The following RCL1 variants were observed in gnomAD, a reference collection of about 807,000 sequenced individuals.
RCL1 encodes the protein RNA terminal phosphate cyclase like 1.
A neutral mutation model predicts 42.4 loss-of-function variants in RCL1; 24 were observed. The observed-to-expected ratio is 0.57, with a 90% CI of 0.41 to 0.80. RCL1 has a LOEUF of 0.80. Among genes scored for constraint, RCL1 ranks in the 30% least tolerant of loss-of-function variants. The pLI is 0.00. For missense variants in RCL1, 578 were observed against 467.9 expected (o/e 1.24, Z -2.17); for synonymous variants, 228 against 177.3 (o/e 1.29, Z -2.27).
chr9:4,812,958 G>C (rs573649292), intron 1 of RCL1, among the ~76,000 whole-genome samples: 16 of 152,170 alleles, frequency 1.1e-4, no homozygotes, highest in African/African-American at 3.9e-4. Flanking sequence ...TCAGTTCTAG[G>C]AGTTCATGGC....
chr9:4,795,139 G>A (rs895064011), intron 1 of RCL1, among the ~76,000 whole-genome samples: 1 of 152,020 alleles, frequency 6.6e-6, no homozygotes, highest in East Asian at 1.9e-4. Flanking sequence ...GTGCCGTGGT[G>A]CGATCTCGGC....
chr9:4,848,452 A>C (rs1587730315), intron 7 of RCL1, among the ~76,000 whole-genome samples: 1 of 152,212 alleles, frequency 6.6e-6, no homozygotes, highest in Non-Finnish European at 1.5e-5. Flanking sequence ...CTTAAAAAGG[A>C]GGCAGGGGCA....
At chr9:4,812,334 C>CT (rs1816209457) in intron 1 of RCL1, among the ~76,000 whole-genome samples, 1 of 102,352 alleles carries the variant, frequency 9.8e-6, no homozygotes, top group South Asian at 4.0e-4. Flanking sequence ...ACATTTAAGT[C>CT]TTTAAGTTCA....
At position 4,860,324 on chromosome 9, in the gene RCL1, G is replaced by A. The variant is rs750583864; in HGVS notation, c.*49G>A. ...AATGCCTACAGACAAAGCAGAAGCTGCCACGGACACCAATGGGACCAAGTC... is the reference window on the plus strand; with the variant it reads ...AATGCCTACAGACAAAGCAGAAGCTACCACGGACACCAATGGGACCAAGTC... On this transcript the variant is annotated 3_prime_UTR_variant, in exon 9 of 9. Coordinates refer to ENST00000381750, the MANE Select transcript of RCL1 (RefSeq NM_005772.5). The A allele has an allele frequency of 1.9e-6, 3 of 1,587,518 alleles. No homozygotes were observed.
At chr9:4,832,168 C>T (rs1325327392) in intron 3 of RCL1, among the ~76,000 whole-genome samples, 3 of 152,288 alleles carry the variant, frequency 2.0e-5, no homozygotes, top group Non-Finnish European at 4.4e-5. Context: ...TCAGAAAGAC[C>T]CCAGACTTCC....
At chr9:4,843,337 A>C (rs1461172183) in intron 6 of RCL1, among the ~76,000 whole-genome samples, 1 of 152,070 alleles carries the variant, frequency 6.6e-6, no homozygotes, top group African/African-American at 2.4e-5. Context: ...GCCAGAATGC[A>C]CATCAGTCCA....
chr9:4,817,849 G>A (rs928846670), intron 1 of RCL1, among the ~76,000 whole-genome samples: 3 of 137,522 alleles, frequency 2.2e-5, no homozygotes, highest in African/African-American at 8.2e-5. Flanking sequence ...TTTCTTTACT[G>A]TTTGGCTTGT....
chr9:4,816,293 T>C (rs1816374913), intron 1 of RCL1, among the ~76,000 whole-genome samples: 1 of 152,250 alleles, frequency 6.6e-6, no homozygotes, highest in Non-Finnish European at 1.5e-5. Flanking sequence ...TTTGACACTT[T>C]CAGTGTAGTC....
chr9:4,860,192 G>A lies in RCL1; in HGVS notation c.1039G>A (p.Gly347Ser), dbSNP rs1818120969. ...IMFKIETKPC[G>S]EELKGGDKVL... ...GTTTAAAATTGAAACCAAGCCATGT[G>A]GTGAAGAACTCAAGGGTGGGGATAA... The change falls in exon 9 of 9, where the codon GGT becomes AGT. Residue 347 changes from glycine (G) to serine (S), a missense_variant. Coordinates refer to ENST00000381750, the MANE Select transcript of RCL1 (RefSeq NM_005772.5). 1.2e-6 allele frequency: 2 copies of A among 1,612,358 alleles called. No homozygotes were observed. Among genetic ancestry groups the A allele is most frequent in the African/African-American group, 1.3e-5 (1 of 74,926 alleles).
Position 4,823,607 on chromosome 9 carries a change from A to G in RCL1, c.196A>G (p.Ile66Val), listed in dbSNP as rs1816663858. The G allele has an allele frequency of 6.2e-7, 1 of 1,611,526 alleles. No homozygotes were observed. Among genetic ancestry groups the G allele is most frequent in the Non-Finnish European group, 8.5e-7 (1 of 1,178,776 alleles). Residue 66 changes from isoleucine to valine, a missense_variant, in exon 2 of 9, where the codon ATA becomes GTA. Coordinates refer to ENST00000381750, the MANE Select transcript of RCL1 (RefSeq NM_005772.5). The stretch of plus-strand genomic sequence containing the variant: ...AATAACGAATGGTTCTCGAATTGAA[A>G]TAAACCAAACAGGTAAGCTCCTTTT... Reference protein sequence around the residue: ...DKITNGSRIEINQTGTTLYYQ... With the variant: ...DKITNGSRIEVNQTGTTLYYQ...
chr9:4,852,092 A>G (rs1204444553), intron 8 of RCL1, among the ~76,000 whole-genome samples: 1 of 152,120 alleles, frequency 6.6e-6, no homozygotes, highest in African/African-American at 2.4e-5. Flanking sequence ...CATGTTAGCC[A>G]GGATGGTCTC....
At chr9:4,808,948 A>G (rs964631248) in intron 1 of RCL1, among the ~76,000 whole-genome samples, 1 of 152,244 alleles carries the variant, frequency 6.6e-6, no homozygotes, top group Non-Finnish European at 1.5e-5. Flanking sequence ...TGTGCAGGTT[A>G]CATCCTTTAT....
At chr9:4,807,294 C>T (rs1206293454) in intron 1 of RCL1, among the ~76,000 whole-genome samples, 1 of 152,140 alleles carries the variant, frequency 6.6e-6, no homozygotes, top group Non-Finnish European at 1.5e-5. Context: ...CCTTCCTTCA[C>T]TTGCTTTGAG....
At chr9:4,835,866 T>C (rs1248553769) in intron 5 of RCL1, among the ~76,000 whole-genome samples, 3 of 152,210 alleles carry the variant, frequency 2.0e-5, no homozygotes, top group Non-Finnish European at 2.9e-5. Flanking sequence ...GTAAGTAGCA[T>C]TGGGTAAATG....
In RCL1 at chr9:4,833,211, G is replaced by A; in HGVS notation, c.442G>A (p.Glu148Lys). ...PLLKQFGIDG[E>K]SFELKIVRRG... is the part of the protein sequence containing the mutation. The stretch of plus-strand genomic sequence containing the variant: ...GTTGAAACAATTTGGGATTGATGGT[G>A]AATCATTTGAACTGAAGGTAAGAAT... Residue 148 changes from glutamate to lysine, a missense_variant, in exon 4 of 9, where the codon GAA (glutamate) becomes AAA (lysine). Coordinates refer to ENST00000381750, the MANE Select transcript of RCL1 (RefSeq NM_005772.5). The A allele has an allele frequency of 1.2e-6, 2 of 1,612,190 alleles. No individual in the cohort carries two copies. The highest frequency in any genetic ancestry group is 1.7e-6 in the Non-Finnish European group (2 of 1,178,238).
chr9:4,841,701 A>G (rs1193662278), intron 6 of RCL1, among the ~76,000 whole-genome samples: 1 of 152,248 alleles, frequency 6.6e-6, no homozygotes, highest in East Asian at 1.9e-4. Context: ...CTGAGTAAAT[A>G]ACAGTATAGG....
chr9:4,851,814 T>G (rs1817759265), intron 8 of RCL1, among the ~76,000 whole-genome samples: 1 of 151,874 alleles, frequency 6.6e-6, no homozygotes, highest in Non-Finnish European at 1.5e-5. Context: ...AATGTCTATG[T>G]AAAGAGCATT....
At chr9:4,855,427 C>A (rs1817919193) in intron 8 of RCL1, among the ~76,000 whole-genome samples, 2 of 151,902 alleles carry the variant, frequency 1.3e-5, no homozygotes, top group Admixed American at 1.3e-4. Flanking sequence ...CAGTGTAGTG[C>A]TGTGGAAGAG....
At chr9:4,828,121 G>T (rs938166509) in intron 3 of RCL1, among the ~76,000 whole-genome samples, 22 of 148,304 alleles carry the variant, frequency 1.5e-4, no homozygotes, top group Non-Finnish European at 3.2e-4. Flanking sequence ...GGGAGGCAGA[G>T]CTTGCAGTGA....
Sources: gnomAD v4.1 joint callset for allele counts (sites outside exome capture counted in the v4.1 genomes callset) on GRCh38, gnomAD v4.1.1 for gene constraint, MANE v1.5 for transcripts, NCBI Gene and HGNC (gene_info 2026-07-23, HGNC 2026-07-21) for gene names.